The following LRRC69 variants were observed in gnomAD, a reference collection of about 807,000 sequenced individuals.
LRRC69 encodes leucine rich repeat containing 69.
LRRC69 carries 42 observed loss-of-function variants against 37.8 expected under a neutral mutation model. That is an observed-to-expected ratio of 1.11 (90% confidence interval 0.87 to 1.44). The LOEUF is 1.44. Ranked by LOEUF, LRRC69 falls within the 40% of genes most tolerant of loss-of-function variation. LRRC69 has a pLI of 0.00. For synonymous variants in LRRC69, 141 were observed against 143.1 expected, an observed-to-expected ratio of 0.99 and a Z score of 0.11; for missense variants, 357 against 401.9, an observed-to-expected ratio of 0.89 and a Z score of 0.96.
At chr8:91,177,519 TTAATA>T (rs1809253142) in intron 5 of LRRC69, among the ~76,000 whole-genome samples, 1 of 152,170 alleles carries the variant, frequency 6.6e-6, no homozygotes, top group Non-Finnish European at 1.5e-5. Flanking sequence ...TACATTCACT[TTAATA>T]TAATAAGCAA....
intron 5 of LRRC69, among the ~76,000 whole-genome samples, chr8:91,144,304 A>C (rs1586243515): frequency 6.6e-6 from 1 of 151,964 alleles, no homozygotes; most frequent in East Asian, 1.9e-4. Context: ...TCAGCAGTGC[A>C]CTCTGCTTTC....
At chr8:91,171,848 C>T (rs1809137625) in intron 5 of LRRC69, among the ~76,000 whole-genome samples, 1 of 151,744 alleles carries the variant, frequency 6.6e-6, no homozygotes, top group Non-Finnish European at 1.5e-5. Context: ...CATGGTCTGA[C>T]CAAGGAGGTG....
intron 1 of LRRC69, among the ~76,000 whole-genome samples, chr8:91,107,668 TA>T (rs1813341356): frequency 6.6e-6 from 1 of 151,996 alleles, no homozygotes; most frequent in East Asian, 1.9e-4. Flanking sequence ...AATGAGGGGG[TA>T]GGGGTTCTTT....
chr8:91,179,060 A>G (rs1348155242), intron 5 of LRRC69, among the ~76,000 whole-genome samples: 2 of 152,186 alleles, frequency 1.3e-5, no homozygotes, highest in South Asian at 4.1e-4. Context: ...CTTTTCACTG[A>G]GGATTAAATG....
At chr8:91,202,709 T>A (rs925835733) in intron 7 of LRRC69, among the ~76,000 whole-genome samples, 3 of 152,220 alleles carry the variant, frequency 2.0e-5, no homozygotes, top group Non-Finnish European at 4.4e-5. Flanking sequence ...GATCACAAAA[T>A]ACCACGTAGT....
At chr8:91,188,854 C>T (rs75507702) in intron 5 of LRRC69, among the ~76,000 whole-genome samples, 2 of 149,200 alleles carry the variant, frequency 1.3e-5, no homozygotes, top group Non-Finnish European at 3.0e-5. Flanking sequence ...TTTTTTTCCC[C>T]TCACTCTGTT....
intron 6 of LRRC69, among the ~76,000 whole-genome samples, chr8:91,190,267 TG>T (rs1043208575): frequency 2.5e-4 from 38 of 151,518 alleles, no homozygotes; most frequent in African/African-American, 7.6e-4. Flanking sequence ...TGGCTTACTT[TG>T]TTTTTTTTTT....
At position 91,145,250 on chromosome 8, in the gene LRRC69, AC is replaced by A. The variant is rs572909204; in HGVS notation, c.651+9512del. Among the ~76,000 whole-genome samples, 139 of 152,076 alleles carry A rather than the reference AC, an allele frequency of 9.1e-4. 1 individual carries two copies. The highest frequency in any genetic ancestry group is 3.2e-3 in the African/African-American group (134 of 41,562). On this transcript the variant is annotated intron_variant, in intron 5 of 7. Coordinates refer to ENST00000448384, the Ensembl canonical transcript of LRRC69. ...AATAGCCTAAAAGTTTAAAAGTGAT[AC>A]ACAGGGAAAGGTCCATAAAGCTGTG... is the stretch of plus-strand genomic sequence containing the variant.
intron 5 of LRRC69, among the ~76,000 whole-genome samples, chr8:91,180,876 A>G (rs1362699312): frequency 2.0e-5 from 3 of 152,176 alleles, no homozygotes; most frequent in African/African-American, 7.2e-5. Flanking sequence ...GAAGTGGGGA[A>G]AGAATGAAGA....
At chr8:91,141,620 G>T (rs1369316544) in intron 5 of LRRC69, among the ~76,000 whole-genome samples, 2 of 152,080 alleles carry the variant, frequency 1.3e-5, no homozygotes, top group East Asian at 3.9e-4. Context: ...AAGAAATATG[G>T]ATGTTGCTGT....
chr8:91,191,056 A>G lies in LRRC69; in HGVS notation c.753+1433A>G, dbSNP rs1224496260. Reference sequence around the variant, plus strand: ...CCTGTCTCAAACCCCCCCCCCCCCAAGTCAAAAAGCAACAACAACAAAAAG... The same window carrying G: ...CCTGTCTCAAACCCCCCCCCCCCCAGGTCAAAAAGCAACAACAACAAAAAG... On this transcript the variant is annotated intron_variant, in intron 6 of 7. Transcript: ENST00000448384. 1.7e-4 allele frequency among the ~76,000 whole-genome samples: 17 copies of G among 100,128 alleles called. 2 individuals carry two copies. Among genetic ancestry groups the G allele is most frequent in the Admixed American group, 9.3e-4 (9 of 9,712 alleles). 65.7% of individuals were successfully genotyped at this position (100,128 alleles called of 152,430 possible). A position where few individuals can be genotyped will look rare whatever the true frequency, so the allele number is the denominator to read the frequency against.
Position 91,204,357 on chromosome 8 carries a change from G to A in LRRC69, c.933+3565G>A, listed in dbSNP as rs553367196. On this transcript the variant is annotated intron_variant, in intron 7 of 7. Coordinates refer to ENST00000448384, the Ensembl canonical transcript of LRRC69. ...GAATTAATGAATTGTTAGTGACAAAGGTGTAGTACAGCTAATAGTGAAAAA... is the reference window on the plus strand; with the variant it reads ...GAATTAATGAATTGTTAGTGACAAAAGTGTAGTACAGCTAATAGTGAAAAA... Among the ~76,000 whole-genome samples, 74 of 152,298 alleles carry A rather than the reference G, an allele frequency of 4.9e-4. 1 individual carries two copies. In the South Asian group the frequency reaches 0.015, roughly 31 times the overall value.
At chr8:91,139,187 T>G (rs536843271) in intron 5 of LRRC69, 1 of 151,960 alleles carries the variant, frequency 6.6e-6, no homozygotes, top group Non-Finnish European at 1.5e-5. Context: ...AAAAATTTTG[T>G]AAGTTGTACA....
In LRRC69 at chr8:91,192,720, G is replaced by T. The variant is rs1229003728; in HGVS notation, c.753+3097G>T. Among the ~76,000 whole-genome samples, 4 of 151,874 alleles carry T rather than the reference G, an allele frequency of 2.6e-5. No individual in the cohort carries two copies. In the South Asian group the frequency reaches 8.4e-4, roughly 32 times the overall value. Reference sequence around the variant, plus strand: ...TTGTTTTTTTCTTGTAAATTTGTTTGAGTTCTTTGTAGATTCTGGATATTA... The same window carrying T: ...TTGTTTTTTTCTTGTAAATTTGTTTTAGTTCTTTGTAGATTCTGGATATTA... On this transcript the variant is annotated intron_variant, in intron 6 of 7. Transcript: ENST00000448384.
At chr8:91,135,708 C>A in exon 5 of LRRC69, 1 of 1,456,668 alleles carries the variant, frequency 6.9e-7, no homozygotes, top group Non-Finnish European at 9.0e-7. Context: ...CTAGACATAG[C>A]TGGAAATATT....
intron 5 of LRRC69, chr8:91,157,392 G>C: frequency 6.2e-7 from 1 of 1,607,746 alleles, no homozygotes; most frequent in Non-Finnish European, 8.5e-7. Flanking sequence ...GTCTAGCTAA[G>C]ATGTATTATT....
rs372762314 is a variant in LRRC69, at chr8:91,134,570, C to T, written c.580-1098C>T. 2.0e-5 allele frequency among the ~76,000 whole-genome samples: 3 copies of T among 151,938 alleles called. No homozygotes were observed. In the East Asian group the frequency reaches 5.8e-4, roughly 30 times the overall value. ...ATCTTTCCCACCCCTTCTACTGACT[C>T]ACACACCCATCTCCTCTAGAAACAA... is the stretch of plus-strand genomic sequence containing the variant. On this transcript the variant is annotated intron_variant, in intron 4 of 7. Transcript: ENST00000448384.
chr8:91,206,698 A>G (rs1380231583), intron 7 of LRRC69: 1 of 1,289,594 alleles, frequency 7.8e-7, no homozygotes, highest in South Asian at 1.2e-5. Context: ...TTCAGAAACT[A>G]CAACCTAATA....
intron 1 of LRRC69, among the ~76,000 whole-genome samples, chr8:91,110,804 A>G (rs958406573): frequency 3.9e-5 from 6 of 152,122 alleles, no homozygotes; most frequent in African/African-American, 1.4e-4. Flanking sequence ...AGGCCTACAT[A>G]TGATATGCAC....
Sources: allele counts gnomAD v4.1 joint callset (sites outside exome capture counted in the v4.1 genomes callset), GRCh38; gene constraint gnomAD v4.1.1; transcripts MANE v1.5; gene names NCBI Gene and HGNC (gene_info 2026-07-23, HGNC 2026-07-21).